Variants in SPMIP4 observed in about 807,000 individuals in gnomAD.
The protein encoded by SPMIP4 is sperm-associated microtubule inner protein 4.
the SPMIP4 span, among the ~76,000 whole-genome samples, chr7:25,127,958 T>A: frequency 6.6e-6 from 1 of 152,222 alleles, no homozygotes; most frequent in Admixed American, 6.5e-5. Flanking sequence ...TTTTGCAGAC[T>A]TGTAGGGGTA....
At chr7:25,139,674 T>C in the SPMIP4 span, among the ~76,000 whole-genome samples, 1 of 152,190 alleles carries the variant, frequency 6.6e-6, no homozygotes, top group African/African-American at 2.4e-5. Flanking sequence ...TTTGAGTAAA[T>C]ACTGTGATGA....
At chr7:25,166,233 C>CCTTCTTTTTTT in the SPMIP4 span, among the ~76,000 whole-genome samples, 1 of 131,212 alleles carries the variant, frequency 7.6e-6, no homozygotes, top group South Asian at 2.4e-4. Context: ...TTTCCGTCTT[C>CCTTCTTTTTTT]TTTTTTTTTT....
chr7:25,132,695 A>G, the SPMIP4 span, among the ~76,000 whole-genome samples: 1 of 152,204 alleles, frequency 6.6e-6, no homozygotes, highest in Non-Finnish European at 1.5e-5. The surrounding 1 kb of genome is among the most constrained non-coding windows in gnomAD (Gnocchi z 5.0). Context: ...CCTTACTTCT[A>G]TGCATTTTAT....
At chr7:25,135,647 A>G in the SPMIP4 span, 1 of 828,208 alleles carries the variant, frequency 1.2e-6, no homozygotes, top group Admixed American at 5.6e-5. Flanking sequence ...TTGGTGAAAC[A>G]ATGATGTAAA....
chr7:25,141,857 C>T, the SPMIP4 span, among the ~76,000 whole-genome samples: 7 of 152,078 alleles, frequency 4.6e-5, no homozygotes, highest in Non-Finnish European at 7.4e-5. Flanking sequence ...TCTGCCTCAG[C>T]CTCCTGAGCA....
At chr7:25,173,487 A>G in the SPMIP4 span, among the ~76,000 whole-genome samples, 20 of 152,322 alleles carry the variant, frequency 1.3e-4, no homozygotes, top group South Asian at 4.1e-3. The surrounding 1 kb of genome is among the most constrained non-coding windows in gnomAD (Gnocchi z 4.4). Flanking sequence ...AAAGCCTACA[A>G]TATTTACCAT....
At chr7:25,142,784 C>T in the SPMIP4 span, 1 of 1,565,012 alleles carries the variant, frequency 6.4e-7, no homozygotes, top group African/African-American at 1.4e-5. Context: ...GGGTAGAATA[C>T]TGGCTTATTT....
the SPMIP4 span, among the ~76,000 whole-genome samples, chr7:25,167,394 A>G: frequency 6.6e-6 from 1 of 152,242 alleles, no homozygotes; most frequent in Non-Finnish European, 1.5e-5. Flanking sequence ...GAAAGACATT[A>G]CAGTTCCATG....
At chr7:25,147,872 C>G in the SPMIP4 span, among the ~76,000 whole-genome samples, 1 of 152,148 alleles carries the variant, frequency 6.6e-6, no homozygotes, top group African/African-American at 2.4e-5. Context: ...CCTGCTTTAT[C>G]TGTGAGGAAA....
At chr7:25,136,391 G>T in the SPMIP4 span, 11 of 1,614,158 alleles carry the variant, frequency 6.8e-6, no homozygotes, top group South Asian at 2.2e-5. The surrounding 1 kb of genome is among the most constrained non-coding windows in gnomAD (Gnocchi z 5.7). Flanking sequence ...TAAGGTGTGG[G>T]TTGGGTTTTT....
At chr7:25,161,228 G>A in the SPMIP4 span, 2 of 1,563,264 alleles carry the variant, frequency 1.3e-6, no homozygotes, top group Non-Finnish European at 8.7e-7. Context: ...TTTGTTCTGG[G>A]TCAAATAATA....
At chr7:25,178,319 C>A in the SPMIP4 span, among the ~76,000 whole-genome samples, 23 of 152,238 alleles carry the variant, frequency 1.5e-4, no homozygotes, top group East Asian at 3.9e-3. Flanking sequence ...TTTGATAGAA[C>A]AACTTATAAG....
chr7:25,166,600 G>A, the SPMIP4 span, among the ~76,000 whole-genome samples: 1 of 151,232 alleles, frequency 6.6e-6, no homozygotes, highest in Admixed American at 6.6e-5. Flanking sequence ...AATAAAAACA[G>A]GATTGGCCAG....
At chr7:25,128,235 G>A in the SPMIP4 span, among the ~76,000 whole-genome samples, 2 of 152,206 alleles carry the variant, frequency 1.3e-5, no homozygotes, top group African/African-American at 4.8e-5. This position sits in a 1 kb window ranked among gnomAD's most constrained non-coding sequence, Gnocchi z 4.5. Flanking sequence ...CTCAAGGCCT[G>A]CATTCAGAAG....
At chr7:25,127,873 T>C in the SPMIP4 span, among the ~76,000 whole-genome samples, 3 of 152,130 alleles carry the variant, frequency 2.0e-5, no homozygotes, top group Non-Finnish European at 4.4e-5. Flanking sequence ...GGGACTTGGG[T>C]GTTGTGATCT....
chr7:25,173,840 G>C, the SPMIP4 span, among the ~76,000 whole-genome samples: 1 of 152,128 alleles, frequency 6.6e-6, no homozygotes. This position sits in a 1 kb window ranked among gnomAD's most constrained non-coding sequence, Gnocchi z 4.4. Context: ...AATCATTTGG[G>C]CTGGCATCCA....
chr7:25,167,311 G>C, the SPMIP4 span, among the ~76,000 whole-genome samples: 1 of 152,224 alleles, frequency 6.6e-6, no homozygotes, highest in Non-Finnish European at 1.5e-5. Context: ...ATAATTGTCT[G>C]ACCCAAGGAA....
At chr7:25,164,917 G>C in the SPMIP4 span, among the ~76,000 whole-genome samples, 2 of 152,102 alleles carry the variant, frequency 1.3e-5, no homozygotes, top group African/African-American at 4.8e-5. Context: ...TTAGAATAAT[G>C]GTCTCCAACT....
the SPMIP4 span, chr7:25,135,015 G>C: frequency 1.2e-6 from 1 of 805,284 alleles, no homozygotes; most frequent in Non-Finnish European, 1.5e-6. Context: ...ATGACATGTT[G>C]GTCATAAAAT....
Sources: gnomAD v4.1 joint callset for allele counts (sites outside exome capture counted in the v4.1 genomes callset) on GRCh38, gnomAD v4.1.1 for gene constraint, Gnocchi (gnomAD v3.1) non-coding constraint, MANE v1.5 for transcripts, NCBI Gene and HGNC (gene_info 2026-07-23, HGNC 2026-07-21) for gene names.